The following PER1 variants were observed in gnomAD, a reference collection of about 807,000 sequenced individuals.
PER1 encodes the protein period circadian protein homolog 1.
PER1 carries 87 observed loss-of-function variants against 125.9 expected under a neutral mutation model. The observed-to-expected ratio is 0.69, with a 90% CI of 0.58 to 0.83. PER1 has a LOEUF of 0.83. Ranked by LOEUF, PER1 falls within the 40% of genes least tolerant of loss-of-function variation. The pLI, the probability that PER1 is intolerant of heterozygous loss-of-function variation, is 0.00. For missense variants in PER1, 1,775 were observed against 1,722.8 expected, an observed-to-expected ratio of 1.03 and a Z score of -0.54; for synonymous variants, 801 against 714.7, an observed-to-expected ratio of 1.12 and a Z score of -1.93.
At chr17:8,142,080 G>A (rs1982115043) in intron 21 of PER1, 125 bp from the exon 22 acceptor site, 1 of 1,337,854 alleles carries the variant, frequency 7.5e-7, no homozygotes, top group African/African-American at 1.4e-5. Context: ...CTAGTGCTAT[G>A]CGAGGTCAAG....
Position 8,143,560 on chromosome 17 carries a change from ATAGT to A in PER1, c.2774_2777del (p.Asn925IlefsTer196), listed in dbSNP as rs1175188683. The A allele has an allele frequency of 8.8e-6, 13 of 1,479,504 alleles. No individual in the cohort carries two copies. The highest frequency in any genetic ancestry group is 4.9e-5 in the East Asian group (2 of 40,788). 91.6% of individuals were successfully genotyped at this position (1,479,504 alleles called of 1,614,324 possible). On this transcript the variant is annotated frameshift_variant, in exon 19 of 23. Transcript: ENST00000317276. LOFTEE classifies it high-confidence loss of function. ...GATAGCTGGATGGGGTTGGGAACAGATAGTTAGGGAGCACCAAGGCCACCATTGG... is the reference window on the plus strand; with the variant it reads ...GATAGCTGGATGGGGTTGGGAACAGATAGGGAGCACCAAGGCCACCATTGG...
At chr17:8,142,189 C>A in intron 21 of PER1, 80 bp downstream of exon 21, 2 of 1,243,622 alleles carry the variant, frequency 1.6e-6, no homozygotes, top group South Asian at 2.9e-5. Flanking sequence ...CTATCCAGGG[C>A]AGAGCCAGCC....
In PER1 at chr17:8,148,798, G is replaced by C. The variant is rs375736541; in HGVS notation, c.906-12C>G. ...GGTCAGGACCTCCTCTAGCAAAGGAGAGAGGAGCATTAGGGACTTTCAACA... is the reference window on the plus strand; with the variant it reads ...GGTCAGGACCTCCTCTAGCAAAGGACAGAGGAGCATTAGGGACTTTCAACA... On this transcript the variant is annotated splice_polypyrimidine_tract_variant and intron_variant, in intron 7 of 22. Coordinates refer to ENST00000317276, the MANE Select transcript of PER1 (RefSeq NM_002616.3). 250 of 1,613,006 alleles carry C rather than the reference G, an allele frequency of 1.5e-4. No individual in the cohort carries two copies. Among genetic ancestry groups the C allele is most frequent in the Non-Finnish European group, 2.1e-4 (242 of 1,179,596 alleles).
chr17:8,145,869 G>T, intron 17 of PER1, 89 bp downstream of exon 17: 1 of 1,411,800 alleles, frequency 7.1e-7, no homozygotes, highest in South Asian at 1.4e-5. Flanking sequence ...CTCTCCATCA[G>T]GCCCTAGAGG....
At position 8,143,455 on chromosome 17, in the gene PER1, G is replaced by T. The variant is rs763726957; in HGVS notation, c.2883C>A (p.Leu961=). Residue 961 remains leucine, a synonymous_variant, in exon 19 of 23, where the codon CTC becomes CTA. Transcript: ENST00000317276. ...CCGGGCGGTGAGGAGGACTCGGGGCGAGGGCGGGCAAGGATGGAGAAGGGG... is the reference window on the plus strand; with the variant it reads ...CCGGGCGGTGAGGAGGACTCGGGGCTAGGGCGGGCAAGGATGGAGAAGGGG... The part of the protein sequence containing the change: ...SHSPSPSLPA[L]APSPPHRPDS... 1.2e-5 allele frequency: 20 copies of T among 1,607,170 alleles called. No homozygotes were observed. The highest frequency in any genetic ancestry group is 1.7e-5 in the Non-Finnish European group (20 of 1,175,998).
Position 8,146,221 on chromosome 17 carries a change from A to T in PER1, c.2039-84T>A, listed in dbSNP as rs1312342019. 3 of 1,533,110 alleles carry T rather than the reference A, an allele frequency of 2.0e-6. No individual in the cohort carries two copies. In the East Asian group the frequency reaches 6.8e-5, roughly 35 times the overall value. The allele number at this position is 1,533,110 out of a possible 1,614,324, so 95.0% of individuals were successfully genotyped here. On this transcript the variant is annotated intron_variant, in intron 16 of 22. Coordinates refer to ENST00000317276, the MANE Select transcript of PER1 (RefSeq NM_002616.3). ...GGATCCCAGGGAAAAGGGGAAGGGG[A>T]TGGTGGTAGGGAACAGAGGGAACAG...
At position 8,141,285 on chromosome 17, in the gene PER1, A is replaced by G; in HGVS notation, c.3656T>C (p.Leu1219Pro). ...TQDPGHPDDP[L>P]FSELDGLGLE... ...CCCCAGTCCATCCAGCTCTGAGAAGAGTGGGTCATCAGGGTGACCAGGATC... is the reference window on the plus strand; with the variant it reads ...CCCCAGTCCATCCAGCTCTGAGAAGGGTGGGTCATCAGGGTGACCAGGATC... The change falls in exon 23 of 23, where the codon CTC becomes CCC. Residue 1219 changes from leucine to proline, a missense_variant. Coordinates refer to ENST00000317276, the MANE Select transcript of PER1 (RefSeq NM_002616.3). 3.1e-6 allele frequency: 5 copies of G among 1,614,056 alleles called. No individual in the cohort carries two copies. Among genetic ancestry groups the G allele is most frequent in the Non-Finnish European group, 4.2e-6 (5 of 1,179,994 alleles).
rs1982806222 is a variant in PER1 at position 8,150,686 on chromosome 17, C to T, written c.21G>A (p.Gly7=). MSGPLE[G]ADGGGDPRPG... ...GCCTGGGGTCCCCTCCCCCATCAGC[C>T]CCTTCTAGGGGGCCACTCATGTCTG... is the stretch of plus-strand genomic sequence containing the variant. The change falls in exon 2 of 23, where the codon GGG becomes GGA. Residue 7 remains glycine (G), a synonymous_variant. Transcript: ENST00000317276. 2 of 1,573,490 alleles carry T rather than the reference C, an allele frequency of 1.3e-6. No individual in the cohort carries two copies. Among genetic ancestry groups the T allele is most frequent in the Non-Finnish European group, 1.7e-6 (2 of 1,163,672 alleles).
chr17:8,148,886 GGGCAGGAGGA>G, intron 7 of PER1, 100 bp from the exon 8 acceptor site: 1 of 1,411,984 alleles, frequency 7.1e-7, no homozygotes. Context: ...GCTGGGGAGG[GGGCAGGAGGA>G]GGCAGAGGTA....
In PER1 at chr17:8,150,424, A is replaced by G; in HGVS notation, c.275+8T>C. ...ATTCCTAGACCCAACATACACATCC[A>G]TACACACCTCTTGCTGCTCTCAGTG... On this transcript the variant is annotated splice_region_variant and intron_variant, in intron 2 of 22. Coordinates refer to ENST00000317276, the MANE Select transcript of PER1 (RefSeq NM_002616.3). The G allele has an allele frequency of 6.2e-7, 1 of 1,606,830 alleles. No individual in the cohort carries two copies. Among genetic ancestry groups the G allele is most frequent in the Middle Eastern group, 1.7e-4 (1 of 6,000 alleles).
rs530822030 is a variant in PER1 at position 8,149,060 on chromosome 17, A to G, written c.905+199T>C. Reference sequence around the variant, plus strand: ...AAAAATTAGCTGGGCGTGGTGGCGCATGCCTGTAATCCCAGCTACTTGGGA... The same window carrying G: ...AAAAATTAGCTGGGCGTGGTGGCGCGTGCCTGTAATCCCAGCTACTTGGGA... On this transcript the variant is annotated intron_variant, in intron 7 of 22. Coordinates refer to ENST00000317276, the MANE Select transcript of PER1 (RefSeq NM_002616.3). 2.0e-4 allele frequency: 126 copies of G among 621,322 alleles called. No individual in the cohort carries two copies. The East Asian group carries it at 3.3e-3, about 16-fold the overall frequency. The allele number at this position is 621,322 out of a possible 1,614,324, so 38.5% of individuals were successfully genotyped here.
Position 8,150,642 on chromosome 17 carries a change from G to C in PER1, c.65C>G (p.Pro22Arg), listed in dbSNP as rs754712045. Residue 22 changes from proline to arginine, a missense_variant, in exon 2 of 23, where the codon CCT (proline) becomes CGT (arginine). Physicochemically the swap from Pro to Arg is moderately radical, Grantham distance 103. Transcript: ENST00000317276. ...GGGCCCAGGGGATGGGACGCCCCCA[G>C]GACAAAATGATTCCCCAGGCCTGGG... ...GDPRPGESFC[P>R]GGVPSPGPPQ... is the part of the protein sequence containing the mutation. The C allele has an allele frequency of 1.4e-5, 23 of 1,608,460 alleles. No individual in the cohort carries two copies. In the East Asian group the frequency reaches 4.7e-4, roughly 33 times the overall value.
At position 8,146,959 on chromosome 17, in the gene PER1, T is replaced by G; in HGVS notation, c.1673A>C (p.His558Pro). The G allele has an allele frequency of 6.2e-7, 1 of 1,614,012 alleles. No homozygotes were observed. The highest frequency in any genetic ancestry group is 2.2e-5 in the East Asian group (1 of 44,850). The change falls in exon 14 of 23, where the codon CAC (histidine) becomes CCC (proline). Residue 558 changes from histidine (H) to proline (P), a missense_variant. Coordinates refer to ENST00000317276, the MANE Select transcript of PER1 (RefSeq NM_002616.3). ...QICKDVHLVK[H>P]QGQQLFIESR... is the part of the protein sequence containing the mutation. ...CTCAATAAAAAGCTGCTGGCCCTGG[T>G]GCTTCACCAGATGCACATCCTTACA... is the stretch of plus-strand genomic sequence containing the variant.
In PER1 at chr17:8,142,765, T is replaced by C; in HGVS notation, c.3143A>G (p.Gln1048Arg). ...GCCTGTGCCGGAGCGCGAGTCCTCT[T>C]GCAGCAGAAGTTCGAGCAGGTCACT... ...GSSDLLELLL[Q>R]EDSRSGTGSA... is the part of the protein sequence containing the mutation. Residue 1048 changes from glutamine to arginine, a missense_variant, in exon 20 of 23, where the codon CAA becomes CGA. Physicochemically the swap from Gln to Arg is conservative, Grantham distance 43 (BLOSUM62 1). Coordinates refer to ENST00000317276, the MANE Select transcript of PER1 (RefSeq NM_002616.3). 1 of 1,613,754 alleles carries C rather than the reference T, an allele frequency of 6.2e-7. No individual in the cohort carries two copies. The highest frequency in any genetic ancestry group is 8.5e-7 in the Non-Finnish European group (1 of 1,179,988).
At position 8,143,474 on chromosome 17, in the gene PER1, G is replaced by A. The variant is rs1019620433; in HGVS notation, c.2864C>T (p.Ser955Phe). The A allele has an allele frequency of 2.5e-6, 4 of 1,600,874 alleles. No homozygotes were observed. Among genetic ancestry groups the A allele is most frequent in the African/African-American group, 1.3e-5 (1 of 74,866 alleles). The change falls in exon 19 of 23, where the codon TCT (serine) becomes TTT (phenylalanine). Residue 955 changes from serine to phenylalanine, a missense_variant. Physicochemically the swap from Ser to Phe is radical, Grantham distance 155. Transcript: ENST00000317276. ...CGGGGCGAGGGCGGGCAAGGATGGA[G>A]AAGGGGAGTGCGAGGCAGGAGTGGG... ...GPPTPASHSP[S>F]PSLPALAPSP...
At position 8,141,900 on chromosome 17, in the gene PER1, G is replaced by T; in HGVS notation, c.3505C>A (p.Gln1169Lys). ...TGGTCCTCAGAAAACCGAGGCTGCT[G>T]CTTCTGCATGGCTCGGAGCCGCTCC... ...DRERLRAMQK[Q>K]QPRFSEDQRR... Residue 1169 changes from glutamine (Q) to lysine (K), a missense_variant, in exon 22 of 23, where the codon CAG (glutamine) becomes AAG (lysine). By Grantham distance (53) the Gln-to-Lys change is moderately conservative. Coordinates refer to ENST00000317276, the MANE Select transcript of PER1 (RefSeq NM_002616.3). The T allele has an allele frequency of 6.2e-7, 1 of 1,614,146 alleles. No homozygotes were observed. Among genetic ancestry groups the T allele is most frequent in the Non-Finnish European group, 8.5e-7 (1 of 1,180,034 alleles).
At chr17:8,144,203 T>A (rs1353235522) in intron 18 of PER1, 3 of 409,024 alleles carry the variant, frequency 7.3e-6, no homozygotes, top group Non-Finnish European at 1.3e-5. Context: ...ATGGCTCTGG[T>A]CCGCCAAACT....
chr17:8,149,419 C>T (rs781462510), intron 6 of PER1, 43 bp downstream of exon 6: 3 of 1,607,724 alleles, frequency 1.9e-6, no homozygotes, highest in Non-Finnish European at 2.6e-6. Flanking sequence ...GCAGGAATTT[C>T]CTGGGACTGC....
Position 8,146,094 on chromosome 17 carries a change from C to A in PER1, c.2082G>T (p.Arg694=). 6.2e-7 allele frequency: 1 copy of A among 1,612,512 alleles called. No homozygotes were observed. The highest frequency in any genetic ancestry group is 8.5e-7 in the Non-Finnish European group (1 of 1,179,232). The part of the protein sequence containing the change: ...AALSGEGATP[R]KEPVVGGTLS... ...GGGTGCCTCCCACCACTGGCTCCTTCCGTGGGGTGGCCCCCTCCCCAGACA... is the reference window on the plus strand; with the variant it reads ...GGGTGCCTCCCACCACTGGCTCCTTACGTGGGGTGGCCCCCTCCCCAGACA... Residue 694 remains arginine, a synonymous_variant, in exon 17 of 23, where the codon CGG becomes CGT. Transcript: ENST00000317276.
Sources: gnomAD v4.1 joint callset for allele counts on GRCh38, gnomAD v4.1.1 for gene constraint, MANE v1.5 for transcripts, NCBI Gene and HGNC (gene_info 2026-07-23, HGNC 2026-07-21) for gene names.